Variants in CSMD1 observed in about 807,000 individuals in gnomAD.
The protein encoded by CSMD1 is CUB and Sushi multiple domains 1, also known as CUB and sushi domain-containing protein 1.
Under a neutral mutation model 417.5 loss-of-function variants are expected in CSMD1, and 213 were observed. The observed-to-expected ratio is 0.51, with a 90% CI of 0.46 to 0.57. The LOEUF is 0.57. Among genes scored for constraint, CSMD1 ranks in the 20% least tolerant of loss-of-function variants. The pLI, the probability that CSMD1 is intolerant of heterozygous loss-of-function variation, is 0.00. For missense variants in CSMD1, 6,923 were observed against 4,529.7 expected, an observed-to-expected ratio of 1.53 and a Z score of -15.17; for synonymous variants, 2,862 against 1,736.8, an observed-to-expected ratio of 1.65 and a Z score of -16.11.
chr8:3,175,293 T>C (rs7827348), intron 37 of CSMD1, among the ~76,000 whole-genome samples: 47,071 of 152,070 alleles, frequency 0.31, 9,001 homozygotes, highest in East Asian at 0.56. Flanking sequence ...ATTTGTTTTC[T>C]TCCAATTACC....
intron 3 of CSMD1, among the ~76,000 whole-genome samples, chr8:4,257,216 G>C (rs1803522936): frequency 6.6e-6 from 1 of 151,988 alleles, no homozygotes; most frequent in African/African-American, 2.4e-5. Flanking sequence ...GAGTTTTATT[G>C]AAAGAGACTA....
At chr8:3,463,588 G>T (rs924194706) in intron 12 of CSMD1, among the ~76,000 whole-genome samples, 2 of 152,316 alleles carry the variant, frequency 1.3e-5, no homozygotes, top group South Asian at 2.1e-4. Context: ...AAGGACAGGG[G>T]CATGAGCTCA....
intron 2 of CSMD1, among the ~76,000 whole-genome samples, chr8:4,617,425 G>C (rs12541548): frequency 0.31 from 47,223 of 151,880 alleles, 7,922 homozygotes; most frequent in Non-Finnish European, 0.37. Flanking sequence ...AAATATGCAA[G>C]GTAGTAGGAC....
chr8:3,419,395 C>T (rs1813348531), intron 12 of CSMD1, among the ~76,000 whole-genome samples: 1 of 152,060 alleles, frequency 6.6e-6, no homozygotes, highest in Non-Finnish European at 1.5e-5. Flanking sequence ...GCCAGATGAA[C>T]AAAATAGGAA....
intron 10 of CSMD1, among the ~76,000 whole-genome samples, chr8:3,503,922 A>G (rs1028444129): frequency 4.0e-5 from 6 of 150,914 alleles, no homozygotes; most frequent in Non-Finnish European, 8.8e-5. Context: ...AAACTTCCAC[A>G]TGAGTGAGAA....
At chr8:4,741,755 G>C (rs1432953852) in intron 1 of CSMD1, among the ~76,000 whole-genome samples, 1 of 152,060 alleles carries the variant, frequency 6.6e-6, no homozygotes, top group African/African-American at 2.4e-5. Context: ...GAGAGTCTCA[G>C]GCCCCAACCC....
intron 5 of CSMD1, among the ~76,000 whole-genome samples, chr8:3,788,601 G>C (rs1301620621): frequency 2.6e-5 from 4 of 152,120 alleles, no homozygotes; most frequent in African/African-American, 4.8e-5. Flanking sequence ...GTGTTAATAG[G>C]ATTGTAAAGA....
chr8:4,943,687 T>C (rs1428397482), intron 1 of CSMD1, among the ~76,000 whole-genome samples: 1 of 152,176 alleles, frequency 6.6e-6, no homozygotes, highest in Non-Finnish European at 1.5e-5. Context: ...CTGAATCACA[T>C]ATCTGTTCCA....
chr8:3,830,852 T>C (rs952128695), intron 5 of CSMD1, among the ~76,000 whole-genome samples: 1 of 152,228 alleles, frequency 6.6e-6, no homozygotes, highest in East Asian at 1.9e-4. Context: ...GCATGCCTAA[T>C]GACAGTTTTA....
chr8:4,609,728 G>GA (rs1801066276), intron 2 of CSMD1, among the ~76,000 whole-genome samples: 2 of 152,104 alleles, frequency 1.3e-5, no homozygotes, highest in Non-Finnish European at 1.5e-5. Context: ...CAAGAAAACA[G>GA]AAAAAAGTCA....
At chr8:4,620,323 A>G (rs1325918070) in intron 2 of CSMD1, among the ~76,000 whole-genome samples, 2 of 151,718 alleles carry the variant, frequency 1.3e-5, no homozygotes, top group East Asian at 3.9e-4. Flanking sequence ...TTACACACAC[A>G]TATATATGTA....
At chr8:4,640,555 G>A (rs374907023) in intron 1 of CSMD1, among the ~76,000 whole-genome samples, 2 of 152,106 alleles carry the variant, frequency 1.3e-5, no homozygotes, top group African/African-American at 2.4e-5. Flanking sequence ...CTACTATAGA[G>A]TATGCACAAA....
rs372101875 is a variant in CSMD1 at position 2,974,608 on chromosome 8, G to A, written c.8583C>T (p.His2861=). 2 of 1,607,204 alleles carry A rather than the reference G, an allele frequency of 1.2e-6. No individual in the cohort carries two copies. Among genetic ancestry groups the A allele is most frequent in the East Asian group, 2.2e-5 (1 of 44,586 alleles). Residue 2861 remains histidine (H), a synonymous_variant, in exon 56 of 70, where the codon CAC becomes CAT. Transcript: ENST00000635120. ...GGACGGCGTTGGCAGGGACCCCTGG[G>A]TGTCCACACGATATAGCTTCAGAAA... The part of the protein sequence containing the change: ...LPKCLAISCG[H]PGVPANAVLT...
At chr8:3,148,273 T>G (rs888992123) in intron 40 of CSMD1, among the ~76,000 whole-genome samples, 1 of 152,238 alleles carries the variant, frequency 6.6e-6, no homozygotes, top group East Asian at 1.9e-4. Flanking sequence ...TAAGTGCAGA[T>G]GTCTGAGCTT....
intron 8 of CSMD1, among the ~76,000 whole-genome samples, chr8:3,599,920 C>T (rs886198210): frequency 2.0e-5 from 3 of 152,118 alleles, no homozygotes; most frequent in Admixed American, 1.3e-4. Context: ...AGCAACATTT[C>T]GGCACAGCAG....
chr8:3,309,135 G>A (rs1584973526), intron 23 of CSMD1, among the ~76,000 whole-genome samples: 2 of 151,836 alleles, frequency 1.3e-5, no homozygotes, highest in South Asian at 2.1e-4. Context: ...CTCTAGGAAC[G>A]GGATACTCTG....
chr8:4,099,093 G>A (rs1429004642), intron 3 of CSMD1, among the ~76,000 whole-genome samples: 1 of 151,726 alleles, frequency 6.6e-6, no homozygotes, highest in African/African-American at 2.4e-5. Flanking sequence ...ATTTTCATCT[G>A]TTTTTTTCTT....
At chr8:4,118,067 T>A (rs936162887) in intron 3 of CSMD1, among the ~76,000 whole-genome samples, 1 of 151,840 alleles carries the variant, frequency 6.6e-6, no homozygotes, top group African/African-American at 2.4e-5. Context: ...GGGTGTAACA[T>A]CGGCCATATG....
chr8:4,272,385 G>A (rs1259475403), intron 3 of CSMD1, among the ~76,000 whole-genome samples: 3 of 152,080 alleles, frequency 2.0e-5, no homozygotes, highest in Non-Finnish European at 4.4e-5. Flanking sequence ...TGAAGTCTCA[G>A]TTTCCAAGAC....
Sources: allele counts gnomAD v4.1 joint callset (sites outside exome capture counted in the v4.1 genomes callset), GRCh38; gene constraint gnomAD v4.1.1; transcripts MANE v1.5; gene names NCBI Gene and HGNC (gene_info 2026-07-23, HGNC 2026-07-21).